Variants in DGKI observed in about 807,000 individuals in gnomAD.
DGKI encodes DAG kinase iota.
In DGKI, 55 loss-of-function variants were observed where a neutral mutation model predicts 147.5. That is an observed-to-expected ratio of 0.37 (90% CI 0.30 to 0.47). DGKI has a LOEUF of 0.47. Among genes scored for constraint, DGKI ranks in the 20% least tolerant of loss-of-function variants. The pLI, the probability that DGKI is intolerant of heterozygous loss-of-function variation, is 1.00. For missense variants in DGKI, 1,007 were observed against 1,323.8 expected (o/e 0.76, Z 3.71); for synonymous variants, 469 against 477.1 (o/e 0.98, Z 0.22).
intron 21 of DGKI, among the ~76,000 whole-genome samples, chr7:137,517,285 AAG>A (rs1816791153): frequency 9.7e-4 from 100 of 103,280 alleles, no homozygotes; most frequent in African/African-American, 2.3e-3. Context: ...AAGAAAAAGA[AAG>A]AAAGAAAGAA....
At chr7:137,817,979 C>G (rs1232911678) in intron 1 of DGKI, among the ~76,000 whole-genome samples, 2 of 152,174 alleles carry the variant, frequency 1.3e-5, no homozygotes, top group African/African-American at 4.8e-5. Flanking sequence ...TTTGAATATT[C>G]TTATTGGCTT....
At chr7:137,665,768 C>G (rs953355500) in intron 3 of DGKI, among the ~76,000 whole-genome samples, 2 of 152,124 alleles carry the variant, frequency 1.3e-5, no homozygotes, top group Admixed American at 1.3e-4. Flanking sequence ...AAAAAGTTGT[C>G]TATTTCCCAG....
At chr7:137,569,768 A>G (rs1818730278) in intron 19 of DGKI, among the ~76,000 whole-genome samples, 1 of 126,158 alleles carries the variant, frequency 7.9e-6, no homozygotes, top group Non-Finnish European at 1.6e-5. Flanking sequence ...AAAAAAAAAA[A>G]AAAAGAATTC....
intron 23 of DGKI, among the ~76,000 whole-genome samples, chr7:137,479,511 C>A (rs1815296138): frequency 6.6e-6 from 1 of 152,016 alleles, no homozygotes; most frequent in Non-Finnish European, 1.5e-5. Context: ...ATGCATATGC[C>A]AAAGTTACCC....
At chr7:137,482,797 C>A (rs906747056) in intron 23 of DGKI, among the ~76,000 whole-genome samples, 3 of 151,988 alleles carry the variant, frequency 2.0e-5, no homozygotes, top group Admixed American at 6.6e-5. Flanking sequence ...AAATTCTGGG[C>A]TTCTTGGATC....
At chr7:137,551,284 G>A (rs542948179) in intron 20 of DGKI, among the ~76,000 whole-genome samples, 2 of 152,252 alleles carry the variant, frequency 1.3e-5, no homozygotes, top group East Asian at 3.9e-4. Flanking sequence ...ACCAACATGT[G>A]CCACCACAGA....
chr7:137,408,923 C>G (rs1812061235), intron 29 of DGKI, among the ~76,000 whole-genome samples: 1 of 152,002 alleles, frequency 6.6e-6, no homozygotes, highest in African/African-American at 2.4e-5. Context: ...AGGTAATAAG[C>G]AAAAGGAACA....
chr7:137,679,510 T>A (rs565426238), intron 2 of DGKI, among the ~76,000 whole-genome samples: 2 of 152,222 alleles, frequency 1.3e-5, no homozygotes, highest in East Asian at 3.9e-4. Context: ...ATTTTGCTCA[T>A]TTGCTTAAAA....
chr7:137,598,955 A>G (rs919546742), intron 11 of DGKI, among the ~76,000 whole-genome samples: 1 of 152,160 alleles, frequency 6.6e-6, no homozygotes, highest in Non-Finnish European at 1.5e-5. Flanking sequence ...AGAAAATAAC[A>G]AATTAATTTT....
At chr7:137,813,501 G>T (rs1327639852) in intron 1 of DGKI, among the ~76,000 whole-genome samples, 2 of 152,114 alleles carry the variant, frequency 1.3e-5, no homozygotes, top group African/African-American at 4.8e-5. Flanking sequence ...CACCCCCTTG[G>T]GTGTTGAGTG....
intron 1 of DGKI, among the ~76,000 whole-genome samples, chr7:137,727,989 A>G (rs1268372319): frequency 2.0e-5 from 3 of 152,212 alleles, no homozygotes; most frequent in Non-Finnish European, 2.9e-5. Context: ...AACAAAATTT[A>G]GTGAATAAAA....
rs75122648 is a variant in DGKI at position 137,801,607 on chromosome 7, T to C, written c.401+44855A>G. On this transcript the variant is annotated intron_variant, in intron 1 of 32. Transcript: ENST00000614521. ...ACCTGATAGTAAGTGGCATTATCACTCTCTCTGCCATCTGCTGACAGTCCT... is the reference window on the plus strand; with the variant it reads ...ACCTGATAGTAAGTGGCATTATCACCCTCTCTGCCATCTGCTGACAGTCCT... Among the ~76,000 whole-genome samples, 974 of 152,322 alleles carry C rather than the reference T, an allele frequency of 6.4e-3. 8 individuals carry two copies. Among genetic ancestry groups the C allele is most frequent in the African/African-American group, 0.022 (923 of 41,574 alleles).
At chr7:137,529,535 T>A (rs1817268353) in intron 20 of DGKI, among the ~76,000 whole-genome samples, 1 of 152,198 alleles carries the variant, frequency 6.6e-6, no homozygotes, top group Admixed American at 6.5e-5. Flanking sequence ...AGCAAAGGTA[T>A]AGAACAAGCA....
intron 19 of DGKI, among the ~76,000 whole-genome samples, chr7:137,560,508 G>A (rs995976448): frequency 3.9e-5 from 6 of 152,132 alleles, no homozygotes; most frequent in Admixed American, 6.5e-5. Context: ...GCAGAACAGT[G>A]CTCACCACTA....
At chr7:137,637,120 T>C (rs920981568) in intron 6 of DGKI, among the ~76,000 whole-genome samples, 2 of 152,218 alleles carry the variant, frequency 1.3e-5, no homozygotes, top group African/African-American at 4.8e-5. Context: ...TCTGAAGGGC[T>C]CTTCCAGTTC....
intron 1 of DGKI, among the ~76,000 whole-genome samples, chr7:137,831,557 C>T (rs1798220614): frequency 6.6e-6 from 1 of 152,172 alleles, no homozygotes; most frequent in Admixed American, 6.5e-5. Context: ...AAGAAAGACC[C>T]ATCCCATAAT....
At chr7:137,416,087 G>A (rs1812350188) in intron 28 of DGKI, among the ~76,000 whole-genome samples, 1 of 152,014 alleles carries the variant, frequency 6.6e-6, no homozygotes, top group Admixed American at 6.6e-5. Context: ...AATAAAAAGA[G>A]AGAGAGAGAA....
intron 21 of DGKI, among the ~76,000 whole-genome samples, chr7:137,501,660 A>G (rs919673668): frequency 6.6e-6 from 1 of 152,172 alleles, no homozygotes; most frequent in Non-Finnish European, 1.5e-5. Flanking sequence ...TTCTGGCACA[A>G]CCTTTAGCAC....
chr7:137,835,691 T>C (rs184826463), intron 1 of DGKI, among the ~76,000 whole-genome samples: 367 of 152,352 alleles, frequency 2.4e-3, no homozygotes, highest in African/African-American at 8.3e-3. Flanking sequence ...GAGGTCATCC[T>C]CATTGTCAAT....
Sources: gnomAD v4.1 joint callset for allele counts (sites outside exome capture counted in the v4.1 genomes callset) on GRCh38, gnomAD v4.1.1 for gene constraint, MANE v1.5 for transcripts, NCBI Gene and HGNC (gene_info 2026-07-23, HGNC 2026-07-21) for gene names.